FHIT: variants seen among roughly 807,000 people sequenced by gnomAD.
FHIT encodes fragile histidine triad diadenosine triphosphatase.
FHIT carries 19 observed loss-of-function variants against 17.9 expected under a neutral mutation model. That is an observed-to-expected ratio of 1.06 (90% CI 0.74 to 1.56). FHIT has a LOEUF of 1.56. Ranked by LOEUF, FHIT falls within the 40% of genes most tolerant of loss-of-function variation. FHIT has a pLI of 0.00. For synonymous variants in FHIT, 81 were observed against 69.7 expected (o/e 1.16, Z -0.81); for missense variants, 248 against 189.2 (o/e 1.31, Z -1.82).
At chr3:60,759,726 T>G (rs1304139932) in intron 4 of FHIT, among the ~76,000 whole-genome samples, 1 of 152,072 alleles carries the variant, frequency 6.6e-6, no homozygotes, top group African/African-American at 2.4e-5. Flanking sequence ...AGAATAGAAC[T>G]GAGTAGAAAA....
At chr3:60,516,822 G>C (rs904031912) in intron 5 of FHIT, among the ~76,000 whole-genome samples, 1 of 152,138 alleles carries the variant, frequency 6.6e-6, no homozygotes, top group Non-Finnish European at 1.5e-5. Context: ...GACAATGACA[G>C]GGATCACTTG....
intron 5 of FHIT, among the ~76,000 whole-genome samples, chr3:60,380,629 A>G (rs1278623431): frequency 6.6e-6 from 1 of 152,174 alleles, no homozygotes; most frequent in East Asian, 1.9e-4. Flanking sequence ...TGCTGTGAAT[A>G]TCTACATGTC....
intron 5 of FHIT, among the ~76,000 whole-genome samples, chr3:60,188,318 C>T (rs1336575820): frequency 6.7e-6 from 1 of 150,360 alleles, no homozygotes; most frequent in African/African-American, 2.4e-5. Context: ...TTCCACCTCA[C>T]TTTTGTACTT....
In FHIT at chr3:60,266,790, G is replaced by T. The variant is rs575480800; in HGVS notation, c.104-252638C>A. Reference sequence around the variant, plus strand: ...GAGAGATGTCTCTAGGAAGATGAAAGTGCCAGAATACCAGAAGTGCATGAA... The same window carrying T: ...GAGAGATGTCTCTAGGAAGATGAAATTGCCAGAATACCAGAAGTGCATGAA... On this transcript the variant is annotated intron_variant, in intron 5 of 9. Transcript: ENST00000492590. Among the ~76,000 whole-genome samples, 21 of 152,182 alleles carry T rather than the reference G, an allele frequency of 1.4e-4. No individual in the cohort carries two copies. In the Middle Eastern group the frequency reaches 0.01, roughly 74 times the overall value.
intron 4 of FHIT, among the ~76,000 whole-genome samples, chr3:60,663,617 AC>A (rs1553691728): frequency 2.0e-5 from 3 of 151,792 alleles, no homozygotes; most frequent in Non-Finnish European, 4.4e-5. Flanking sequence ...TTGTATTTTT[AC>A]AAGAGAGGGG....
chr3:60,766,506 C>T (rs1004152909), intron 4 of FHIT, among the ~76,000 whole-genome samples: 2 of 152,156 alleles, frequency 1.3e-5, no homozygotes, highest in Admixed American at 6.5e-5. Context: ...CAAATTCTTC[C>T]TGTATAGAAG....
At chr3:61,016,085 A>C (rs1264843187) in intron 3 of FHIT, among the ~76,000 whole-genome samples, 1 of 152,194 alleles carries the variant, frequency 6.6e-6, no homozygotes, top group Non-Finnish European at 1.5e-5. Flanking sequence ...TAACAGGCCC[A>C]AAGAGGATGT....
chr3:60,323,811 G>C (rs926143), intron 5 of FHIT, among the ~76,000 whole-genome samples: 96,917 of 152,022 alleles, frequency 0.64, 31,550 homozygotes, highest in South Asian at 0.71. Context: ...ATATTAAACT[G>C]TAGCCGGAAG....
chr3:60,298,599 CT>C (rs1224494919), intron 5 of FHIT, among the ~76,000 whole-genome samples: 2 of 152,090 alleles, frequency 1.3e-5, no homozygotes, highest in African/African-American at 4.8e-5. Flanking sequence ...AAGTATGTTA[CT>C]TTTTTGCAGA....
intron 3 of FHIT, among the ~76,000 whole-genome samples, chr3:60,909,924 G>A (rs921120103): frequency 6.6e-6 from 1 of 152,074 alleles, no homozygotes; most frequent in East Asian, 1.9e-4. Context: ...TCCCTGAAAA[G>A]ACCTGAAAAT....
At chr3:60,541,059 C>T (rs1022633543) in intron 4 of FHIT, among the ~76,000 whole-genome samples, 2 of 152,160 alleles carry the variant, frequency 1.3e-5, no homozygotes, top group Admixed American at 6.5e-5. Flanking sequence ...GAACCACTGA[C>T]CAAACCCAAC....
At chr3:59,875,831 T>G (rs1016275261) in intron 8 of FHIT, among the ~76,000 whole-genome samples, 1 of 152,140 alleles carries the variant, frequency 6.6e-6, no homozygotes, top group Non-Finnish European at 1.5e-5. Flanking sequence ...TTCATATGGA[T>G]TCATATGCCA....
chr3:60,867,037 C>T (rs1280710143), intron 3 of FHIT, among the ~76,000 whole-genome samples: 1 of 152,106 alleles, frequency 6.6e-6, no homozygotes, highest in Non-Finnish European at 1.5e-5. Flanking sequence ...GTATGCATGA[C>T]CCTCAGCAAC....
At chr3:60,478,697 T>C (rs908604944) in intron 5 of FHIT, among the ~76,000 whole-genome samples, 7 of 152,218 alleles carry the variant, frequency 4.6e-5, no homozygotes, top group Admixed American at 1.3e-4. Context: ...TCTCCCACTA[T>C]ATTGCATGCT....
rs114686942 is a variant in FHIT at position 60,499,401 on chromosome 3, C to T, written c.103+37459G>A. Among the ~76,000 whole-genome samples the T allele has an allele frequency of 1.6e-3, 246 of 152,158 alleles. 1 individual carries two copies. The highest frequency in any genetic ancestry group is 5.4e-3 in the African/African-American group (226 of 41,524). ...ACCATGCTTCACCCCCACAGGTCTT[C>T]GTGTTTTTGAAACGGAGTCTCGCTC... is the stretch of plus-strand genomic sequence containing the variant. On this transcript the variant is annotated intron_variant, in intron 5 of 9. Transcript: ENST00000492590.
intron 8 of FHIT, among the ~76,000 whole-genome samples, chr3:59,801,504 A>C (rs144780052): frequency 6.6e-6 from 1 of 152,270 alleles, no homozygotes; most frequent in African/African-American, 2.4e-5. Context: ...CTGAATGTTT[A>C]GTTTCCCTAT....
At chr3:60,853,972 C>T (rs1703262066) in intron 3 of FHIT, among the ~76,000 whole-genome samples, 4 of 152,062 alleles carry the variant, frequency 2.6e-5, no homozygotes, top group Non-Finnish European at 4.4e-5. Flanking sequence ...GTCCTGATTA[C>T]CTTACTGTGA....
At chr3:60,220,427 G>T (rs1255969602) in intron 5 of FHIT, among the ~76,000 whole-genome samples, 1 of 151,900 alleles carries the variant, frequency 6.6e-6, no homozygotes, top group African/African-American at 2.4e-5. Flanking sequence ...TAATGCCCAA[G>T]AGATATTAAT....
At chr3:60,772,520 T>C (rs1553723403) in intron 4 of FHIT, among the ~76,000 whole-genome samples, 3 of 152,094 alleles carry the variant, frequency 2.0e-5, no homozygotes, top group Admixed American at 2.0e-4. Context: ...GGAGATCTGA[T>C]CTAGCCCATC....
Sources: gnomAD v4.1 joint callset for allele counts (sites outside exome capture counted in the v4.1 genomes callset) on GRCh38, gnomAD v4.1.1 for gene constraint, MANE v1.5 for transcripts, NCBI Gene and HGNC (gene_info 2026-07-23, HGNC 2026-07-21) for gene names.